The following RALYL variants were observed in gnomAD, a reference collection of about 807,000 sequenced individuals.
RALYL encodes RALY RNA binding protein like, also known as RNA-binding Raly-like protein.
RALYL carries 29 observed loss-of-function variants against 35.1 expected under a neutral mutation model. That is an observed-to-expected ratio of 0.83 (90% confidence interval 0.61 to 1.13). The LOEUF is 1.13. Ranked by LOEUF, RALYL falls within the 50% of genes most tolerant of loss-of-function variation. The pLI is 0.00. For synonymous variants in RALYL, 120 were observed against 127.6 expected (o/e 0.94, Z 0.40); for missense variants, 359 against 360.4 (o/e 1.00, Z 0.03).
intron 1 of RALYL, among the ~76,000 whole-genome samples, chr8:84,449,556 C>T (rs934102562): frequency 6.6e-6 from 1 of 151,914 alleles, no homozygotes; most frequent in Non-Finnish European, 1.5e-5. Context: ...AATCCTGGCT[C>T]CCTGGCTTAG....
intron 7 of RALYL, among the ~76,000 whole-genome samples, chr8:84,884,775 T>C (rs1842705153): frequency 6.6e-6 from 1 of 152,198 alleles, no homozygotes; most frequent in Admixed American, 6.6e-5. Flanking sequence ...ATTCAAAGCA[T>C]TTTTCACTGT....
chr8:84,214,663 G>A (rs1040146062), intron 1 of RALYL, among the ~76,000 whole-genome samples: 5 of 151,896 alleles, frequency 3.3e-5, no homozygotes, highest in Non-Finnish European at 5.9e-5. Flanking sequence ...TTACTGAATT[G>A]TATATTAACC....
At chr8:84,459,207 G>A (rs1426199362) in intron 1 of RALYL, among the ~76,000 whole-genome samples, 2 of 151,710 alleles carry the variant, frequency 1.3e-5, no homozygotes, top group Non-Finnish European at 2.9e-5. Flanking sequence ...AATGATTAAA[G>A]TCTACAAAAG....
At position 84,529,342 on chromosome 8, in the gene RALYL, C is replaced by G; in HGVS notation, c.21C>G (p.Thr7=). 1 of 1,580,868 alleles carries G rather than the reference C, an allele frequency of 6.3e-7. No homozygotes were observed. Among genetic ancestry groups the G allele is most frequent in the Non-Finnish European group, 8.6e-7 (1 of 1,161,604 alleles). ...CAATCATGACTGGCAAAACACAGAC[C>G]AGCAACGTCACCAATAAGAATGACC... The part of the protein sequence containing the change: MTGKTQ[T]SNVTNKNDPK... The change falls in exon 2 of 9, where the codon ACC becomes ACG. Residue 7 remains threonine, a synonymous_variant. Transcript: ENST00000521268.
At chr8:84,210,862 A>G (rs1002158283) in intron 1 of RALYL, among the ~76,000 whole-genome samples, 4 of 145,004 alleles carry the variant, frequency 2.8e-5, no homozygotes, top group Admixed American at 2.7e-4. Flanking sequence ...TGTCATAGCT[A>G]GCTCTGTGTA....
At chr8:84,663,462 C>A (rs960954370) in intron 2 of RALYL, among the ~76,000 whole-genome samples, 2 of 152,168 alleles carry the variant, frequency 1.3e-5, no homozygotes, top group African/African-American at 2.4e-5. Flanking sequence ...GTTCCTTTTT[C>A]TCCACAACCT....
Position 84,776,667 on chromosome 8 carries a change from T to A in RALYL, c.332+2013T>A, listed in dbSNP as rs184565982. 1.5e-3 allele frequency among the ~76,000 whole-genome samples: 232 copies of A among 152,310 alleles called. 1 individual carries two copies. Among genetic ancestry groups the A allele is most frequent in the African/African-American group, 4.8e-3 (201 of 41,580 alleles). ...AAACAAGCTGCCAATGGCTTTTTTT[T>A]ATCATCAAAGAGTTGCTACTGTCTG... On this transcript the variant is annotated intron_variant, in intron 3 of 8. Coordinates refer to ENST00000521268, the MANE Select transcript of RALYL (RefSeq NM_173848.7).
chr8:84,876,449 T>C (rs1178591608), intron 7 of RALYL, among the ~76,000 whole-genome samples: 1 of 152,244 alleles, frequency 6.6e-6, no homozygotes, highest in African/African-American at 2.4e-5. Context: ...TTTTGCCTCA[T>C]TGTTAGATGA....
intron 2 of RALYL, among the ~76,000 whole-genome samples, chr8:84,530,215 G>C (rs538371445): frequency 6.6e-6 from 1 of 151,800 alleles, no homozygotes. Flanking sequence ...TATAATTAAT[G>C]TGTAGATAAA....
intron 1 of RALYL, among the ~76,000 whole-genome samples, chr8:84,227,272 C>A (rs375426606): frequency 6.6e-6 from 1 of 151,756 alleles, no homozygotes; most frequent in Non-Finnish European, 1.5e-5. Context: ...GTTGGCCACA[C>A]TGGTCTTGAA....
intron 4 of RALYL, among the ~76,000 whole-genome samples, chr8:84,837,924 T>A (rs916172252): frequency 1.3e-5 from 2 of 152,246 alleles, no homozygotes; most frequent in Non-Finnish European, 2.9e-5. Flanking sequence ...CAGCATTTCC[T>A]TGGTTGAGTT....
chr8:84,252,292 A>T (rs1830345022), intron 1 of RALYL, among the ~76,000 whole-genome samples: 1 of 152,094 alleles, frequency 6.6e-6, no homozygotes, highest in Non-Finnish European at 1.5e-5. Flanking sequence ...GCCAGTGCTC[A>T]TTTTTTGATA....
At chr8:84,481,638 C>T (rs777140092) in intron 1 of RALYL, among the ~76,000 whole-genome samples, 4 of 152,012 alleles carry the variant, frequency 2.6e-5, no homozygotes, top group South Asian at 4.2e-4. Flanking sequence ...ACAGCATACT[C>T]GGCAATAAAA....
intron 4 of RALYL, among the ~76,000 whole-genome samples, chr8:84,831,182 T>C (rs896458470): frequency 4.0e-5 from 6 of 151,724 alleles, no homozygotes; most frequent in African/African-American, 1.4e-4. Flanking sequence ...ATATAATTCA[T>C]TGATTTTTCT....
At chr8:84,235,111 C>T (rs1344138455) in intron 1 of RALYL, among the ~76,000 whole-genome samples, 1 of 152,110 alleles carries the variant, frequency 6.6e-6, no homozygotes, top group African/African-American at 2.4e-5. Context: ...TTCTAAGTAG[C>T]ATTTTCCATT....
At chr8:84,444,813 C>G (rs2048693739) in intron 1 of RALYL, among the ~76,000 whole-genome samples, 1 of 151,930 alleles carries the variant, frequency 6.6e-6, no homozygotes, top group Non-Finnish European at 1.5e-5. Flanking sequence ...TTGAAAAATG[C>G]CATTTTGTTT....
intron 1 of RALYL, among the ~76,000 whole-genome samples, chr8:84,251,645 T>C (rs776543255): frequency 6.6e-6 from 1 of 152,122 alleles, no homozygotes; most frequent in African/African-American, 2.4e-5. Context: ...TTTTCTTTTA[T>C]GGTGTTTTTG....
intron 1 of RALYL, among the ~76,000 whole-genome samples, chr8:84,233,927 T>C (rs529112860): frequency 4.5e-4 from 68 of 152,306 alleles, no homozygotes; most frequent in African/African-American, 1.5e-3. Context: ...ATGAAAACTG[T>C]GAAACTTGTA....
intron 2 of RALYL, among the ~76,000 whole-genome samples, chr8:84,629,186 C>A (rs1324411804): frequency 1.3e-5 from 2 of 152,000 alleles, no homozygotes; most frequent in African/African-American, 2.4e-5. Context: ...ATTTATCTGA[C>A]TATTGACTGT....
Sources: allele counts gnomAD v4.1 joint callset (sites outside exome capture counted in the v4.1 genomes callset), GRCh38; gene constraint gnomAD v4.1.1; transcripts MANE v1.5; gene names NCBI Gene and HGNC (gene_info 2026-07-23, HGNC 2026-07-21).